Variants in LRP6 observed in about 807,000 individuals in gnomAD.
The protein encoded by LRP6 is LDL receptor related protein 6, also known as low-density lipoprotein receptor-related protein 6.
LRP6 carries 43 observed loss-of-function variants against 184.1 expected under a neutral mutation model. The ratio of observed to expected loss-of-function variants is 0.23; its 90% CI spans 0.18 to 0.30. The LOEUF is 0.30. Among genes scored for constraint, LRP6 ranks in the 10% least tolerant of loss-of-function variants. The pLI, the probability that LRP6 is intolerant of heterozygous loss-of-function variation, is 1.00. For missense variants in LRP6, 1,571 were observed against 2,005.3 expected (o/e 0.78, Z 4.14); for synonymous variants, 719 against 684.9 (o/e 1.05, Z -0.78).
intron 3 of LRP6, among the ~76,000 whole-genome samples, chr12:12,192,963 C>T (rs540482559): frequency 7.2e-5 from 11 of 152,080 alleles, no homozygotes; most frequent in Non-Finnish European, 1.5e-4. Context: ...TTCTCCAGGA[C>T]ACCACATGCT....
At chr12:12,209,191 A>G (rs1864143522) in intron 2 of LRP6, among the ~76,000 whole-genome samples, 1 of 152,226 alleles carries the variant, frequency 6.6e-6, no homozygotes, top group African/African-American at 2.4e-5. Flanking sequence ...AGAAAATGCA[A>G]TAAGGGCTAT....
chr12:12,203,679 A>T (rs958036399), intron 2 of LRP6, among the ~76,000 whole-genome samples: 1 of 152,162 alleles, frequency 6.6e-6, no homozygotes, highest in Admixed American at 6.5e-5. Context: ...GAGGCAGGAG[A>T]ATCGCTTGAA....
At chr12:12,211,113 T>C (rs1324853345) in intron 2 of LRP6, 1 of 152,208 alleles carries the variant, frequency 6.6e-6, no homozygotes, top group Non-Finnish European at 1.5e-5. Flanking sequence ...TTTCTGTGGT[T>C]GTTTTTACAG....
intron 3 of LRP6, among the ~76,000 whole-genome samples, chr12:12,194,960 T>C (rs899023298): frequency 6.6e-6 from 1 of 152,112 alleles, no homozygotes; most frequent in Non-Finnish European, 1.5e-5. Flanking sequence ...ATGGTTTAAT[T>C]TTCTGTTCCT....
chr12:12,149,044 G>A lies in LRP6; in HGVS notation c.3104C>T (p.Thr1035Ile), dbSNP rs1950046335. ...SRYIYWTCEATNVINVTRLDG... is the reference protein window; with the variant it reads ...SRYIYWTCEAINVINVTRLDG... The stretch of plus-strand genomic sequence containing the variant: ...TAATCTTGTCACATTAATGACATTG[G>A]TAGCCTCACAAGTCCAGTAGATGTA... The change falls in exon 14 of 23, where the codon ACC becomes ATC. Residue 1035 changes from threonine to isoleucine, a missense_variant. By Grantham distance (89) the Thr-to-Ile change is moderately conservative. Around this residue, in one of 4 missense-constraint regions of LRP6, gnomAD observed 763 missense variants for 859.5 expected, o/e 0.89. Coordinates refer to ENST00000261349, the MANE Select transcript of LRP6 (RefSeq NM_002336.3). The A allele has an allele frequency of 6.2e-7, 1 of 1,613,774 alleles. No homozygotes were observed. Among genetic ancestry groups the A allele is most frequent in the African/African-American group, 1.3e-5 (1 of 74,882 alleles).
Position 12,131,975 on chromosome 12 carries a change from C to T in LRP6, c.3816G>A (p.Gly1272=), listed in dbSNP as rs1454475966. The T allele has an allele frequency of 6.2e-7, 1 of 1,614,060 alleles. No individual in the cohort carries two copies. Among genetic ancestry groups the T allele is most frequent in the South Asian group, 1.1e-5 (1 of 91,066 alleles). ...CACTGTGGTCTTCACATTCAGTAAA[C>T]CCATCGCACCGCCAAGCCACAGGGA... The part of the protein sequence containing the change: ...DCIPVAWRCD[G]FTECEDHSDE... Residue 1272 remains glycine (G), a synonymous_variant, in exon 18 of 23, where the codon GGG becomes GGA. Coordinates refer to ENST00000261349, the MANE Select transcript of LRP6 (RefSeq NM_002336.3).
At chr12:12,141,569 G>A (rs571355748) in intron 15 of LRP6, among the ~76,000 whole-genome samples, 1 of 152,188 alleles carries the variant, frequency 6.6e-6, no homozygotes, top group South Asian at 2.1e-4. Context: ...AGAAGAAATG[G>A]AGTCCAGGAA....
chr12:12,258,428 A>G (rs1160565142), intron 1 of LRP6, among the ~76,000 whole-genome samples: 1 of 152,246 alleles, frequency 6.6e-6, no homozygotes, highest in East Asian at 1.9e-4. Flanking sequence ...ATCGTTACAA[A>G]TTTATAATTT....
At chr12:12,191,821 T>C (rs1401128519) in intron 3 of LRP6, among the ~76,000 whole-genome samples, 2 of 150,262 alleles carry the variant, frequency 1.3e-5, no homozygotes, top group Non-Finnish European at 3.0e-5. Flanking sequence ...ATAAACATAA[T>C]ACATAAAGAA....
intron 1 of LRP6, among the ~76,000 whole-genome samples, chr12:12,253,882 G>T (rs1014198483): frequency 6.6e-6 from 1 of 152,000 alleles, no homozygotes; most frequent in Non-Finnish European, 1.5e-5. Flanking sequence ...GGTGGCTCAC[G>T]CCTCTAATCC....
At chr12:12,240,595 A>G (rs913613446) in intron 2 of LRP6, among the ~76,000 whole-genome samples, 2 of 152,078 alleles carry the variant, frequency 1.3e-5, no homozygotes, top group Non-Finnish European at 2.9e-5. Context: ...TAAATAATAA[A>G]TAAAAATACA....
At chr12:12,223,211 T>C (rs953001637) in intron 2 of LRP6, among the ~76,000 whole-genome samples, 6 of 148,252 alleles carry the variant, frequency 4.0e-5, no homozygotes, top group Non-Finnish European at 8.9e-5. Context: ...ACCTAAGACC[T>C]GAATTTTCCC....
chr12:12,130,059 T>C lies in LRP6; in HGVS notation c.4081+724A>G, dbSNP rs533006572. 5.9e-5 allele frequency among the ~76,000 whole-genome samples: 9 copies of C among 152,320 alleles called. No individual in the cohort carries two copies. In the South Asian group the frequency reaches 1.5e-3, roughly 25 times the overall value. On this transcript the variant is annotated intron_variant, in intron 19 of 22. Coordinates refer to ENST00000261349, the MANE Select transcript of LRP6 (RefSeq NM_002336.3). ...ATATATGTTAAATCATTTAATTTTC[T>C]TATAGGCATCAGGTTAAGCATCATT...
intron 2 of LRP6, among the ~76,000 whole-genome samples, chr12:12,211,891 T>C (rs1864221308): frequency 6.6e-6 from 1 of 152,190 alleles, no homozygotes; most frequent in African/African-American, 2.4e-5. Flanking sequence ...ATGCTAACTC[T>C]AGTAATTTTT....
At chr12:12,122,823 C>A (rs2136833499) in intron 22 of LRP6, among the ~76,000 whole-genome samples, 1 of 151,842 alleles carries the variant, frequency 6.6e-6, no homozygotes, top group Admixed American at 6.6e-5. Context: ...CAGAGCAAGA[C>A]CCTGTCTCAA....
intron 6 of LRP6, 113 bp from the exon 7 acceptor site, chr12:12,180,094 A>AG: frequency 1.2e-6 from 1 of 804,130 alleles, no homozygotes; most frequent in Non-Finnish European, 2.0e-6. Context: ...GTTAATGCCA[A>AG]GGAAGGGGAA....
At position 12,244,396 on chromosome 12, in the gene LRP6, A is replaced by G. The variant is rs1201363569; in HGVS notation, c.315T>C (p.Leu105=). The change falls in exon 2 of 23, where the codon CTT becomes CTC. Residue 105 remains leucine (L), a synonymous_variant. Transcript: ENST00000261349. ...LSPDGLACDW[L]GEKLYWTDSE... is the part of the protein sequence containing the mutation. ...AATCTGTCCAGTACAATTTTTCTCC[A>G]AGCCAATCACATGCCAGCCCATCGG... 6.2e-7 allele frequency: 1 copy of G among 1,614,228 alleles called. No homozygotes were observed. The highest frequency in any genetic ancestry group is 1.7e-5 in the Admixed American group (1 of 60,028).
intron 2 of LRP6, among the ~76,000 whole-genome samples, chr12:12,212,025 C>T (rs995530906): frequency 6.6e-6 from 1 of 152,194 alleles, no homozygotes; most frequent in African/African-American, 2.4e-5. Flanking sequence ...GCATACTCTC[C>T]TCTGTGCTCC....
intron 3 of LRP6, among the ~76,000 whole-genome samples, chr12:12,202,179 T>C (rs1278997777): frequency 6.6e-6 from 1 of 152,260 alleles, no homozygotes; most frequent in Non-Finnish European, 1.5e-5. Flanking sequence ...AAATGTATGG[T>C]ATATGCAGTA....
Sources: allele counts gnomAD v4.1 joint callset (sites outside exome capture counted in the v4.1 genomes callset), GRCh38; gene constraint gnomAD v4.1.1; regional missense constraint gnomAD v4.1.1; transcripts MANE v1.5; gene names NCBI Gene and HGNC (gene_info 2026-07-23, HGNC 2026-07-21).